PGS1: variants seen among roughly 807,000 people sequenced by gnomAD.
The protein encoded by PGS1 is CDP-diacylglycerol--glycerol-3-phosphate 3-phosphatidyltransferase, mitochondrial.
A neutral mutation model predicts 58.3 loss-of-function variants in PGS1; 44 were observed. The ratio of observed to expected loss-of-function variants is 0.75; its 90% CI spans 0.59 to 0.97. The LOEUF is 0.97. Ranked by LOEUF, PGS1 falls within the 50% of genes least tolerant of loss-of-function variation. PGS1 has a pLI of 0.00. For missense variants in PGS1, 684 were observed against 731.1 expected (o/e 0.94, Z 0.74); for synonymous variants, 330 against 311.0 (o/e 1.06, Z -0.64).
intron 1 of PGS1, among the ~76,000 whole-genome samples, chr17:78,384,090 A>T (rs1418863132): frequency 6.6e-6 from 1 of 152,198 alleles, no homozygotes; most frequent in South Asian, 2.1e-4. Context: ...CCCAGGCTGT[A>T]TTGTGGGTTA....
At chr17:78,402,777 C>T (rs528474697) in intron 6 of PGS1, among the ~76,000 whole-genome samples, 1 of 152,252 alleles carries the variant, frequency 6.6e-6, no homozygotes, top group East Asian at 1.9e-4. Flanking sequence ...TTTTTTGCTT[C>T]CCTATACTGT....
chr17:78,404,902 C>T (rs867237433), intron 7 of PGS1, among the ~76,000 whole-genome samples: 3 of 152,240 alleles, frequency 2.0e-5, no homozygotes, highest in Middle Eastern at 3.4e-3. Context: ...TGAGGTGATC[C>T]ACCTGCCTTG....
intron 1 of PGS1, among the ~76,000 whole-genome samples, chr17:78,386,017 T>C (rs2082359685): frequency 6.6e-6 from 1 of 152,198 alleles, no homozygotes; most frequent in Non-Finnish European, 1.5e-5. Context: ...GGCACCCTGC[T>C]GAGGACCTCT....
chr17:78,391,294 C>T (rs1056417071), intron 1 of PGS1, among the ~76,000 whole-genome samples: 3 of 152,046 alleles, frequency 2.0e-5, no homozygotes, highest in Admixed American at 6.6e-5. Context: ...TCCCGTCTCT[C>T]CCTGCTCCAG....
chr17:78,409,491 C>A (rs573542522), intron 7 of PGS1, among the ~76,000 whole-genome samples: 2 of 152,366 alleles, frequency 1.3e-5, no homozygotes, highest in Admixed American at 1.3e-4. Context: ...GGCAGCCCCA[C>A]CCTGTTTGCC....
intron 8 of PGS1, 118 bp from the exon 9 acceptor site, chr17:78,419,428 A>C: frequency 1.2e-6 from 1 of 842,422 alleles, no homozygotes; most frequent in Non-Finnish European, 2.0e-6. Context: ...TGGGCCAGGT[A>C]GACATGGGAA....
chr17:78,408,524 G>A (rs376820552), intron 7 of PGS1, among the ~76,000 whole-genome samples: 19 of 152,338 alleles, frequency 1.2e-4, no homozygotes, highest in South Asian at 4.1e-4. Context: ...GGTGGGGCGC[G>A]TGGAGGTTGA....
chr17:78,381,779 G>C lies in PGS1; in HGVS notation c.143+2971G>C, dbSNP rs369053404. Among the ~76,000 whole-genome samples, 215 of 152,294 alleles carry C rather than the reference G, an allele frequency of 1.4e-3. 1 individual carries two copies. The highest frequency in any genetic ancestry group is 4.8e-3 in the African/African-American group (199 of 41,544). On this transcript the variant is annotated intron_variant, in intron 1 of 9. Coordinates refer to ENST00000262764, the MANE Select transcript of PGS1 (RefSeq NM_024419.5). ...TTCCTTTCAGGCATAGAGACAGCCA[G>C]AGAGACAGAGAACTCTACTTAAAAT...
intron 1 of PGS1, among the ~76,000 whole-genome samples, chr17:78,383,039 A>G (rs2082146220): frequency 6.6e-6 from 1 of 152,332 alleles, no homozygotes; most frequent in Non-Finnish European, 1.5e-5. Context: ...CTACTATACA[A>G]GGAAATATTT....
rs539757136 is a variant in PGS1 at position 78,378,664 on chromosome 17, C to G, written c.-2C>G. 97 of 1,534,182 alleles carry G rather than the reference C, an allele frequency of 6.3e-5. No homozygotes were observed. In the South Asian group the frequency reaches 1.1e-3, roughly 17 times the overall value. On this transcript the variant is annotated 5_prime_UTR_variant, in exon 1 of 10. Coordinates refer to ENST00000262764, the MANE Select transcript of PGS1 (RefSeq NM_024419.5). ...GAGCGGAAGCGGAAGCGGCGAGTCT[C>G]CATGGCGGTGGCGGCGGCAGCTGCG...
chr17:78,388,599 G>A (rs62075745), intron 1 of PGS1, among the ~76,000 whole-genome samples: 23,172 of 151,756 alleles, frequency 0.15, 2,080 homozygotes, highest in African/African-American at 0.25. Flanking sequence ...TCCTGCCTTA[G>A]ACTCCAGAGT....
In PGS1 at chr17:78,423,542, TG is replaced by T. The variant is rs1333106781; in HGVS notation, c.*11-518del. 6.6e-5 allele frequency among the ~76,000 whole-genome samples: 10 copies of T among 152,296 alleles called. No homozygotes were observed. In the East Asian group the frequency reaches 1.2e-3, roughly 18 times the overall value. On this transcript the variant is annotated intron_variant, in intron 9 of 9. Coordinates refer to ENST00000262764, the MANE Select transcript of PGS1 (RefSeq NM_024419.5). ...AAGCCCTCACCCCACATGCTGCTCC[TG>T]TTAAAAGCAAACTCCACTGACCCCC...
At chr17:78,385,734 T>C (rs1014785569) in intron 1 of PGS1, among the ~76,000 whole-genome samples, 4 of 152,250 alleles carry the variant, frequency 2.6e-5, no homozygotes, top group African/African-American at 9.6e-5. Flanking sequence ...CGGGTTTCTT[T>C]TGTAAACAGG....
At chr17:78,390,511 A>G (rs961769958) in intron 1 of PGS1, among the ~76,000 whole-genome samples, 1 of 152,162 alleles carries the variant, frequency 6.6e-6, no homozygotes, top group Non-Finnish European at 1.5e-5. Context: ...GTGCAGGGAC[A>G]TTTACGAAGC....
intron 7 of PGS1, among the ~76,000 whole-genome samples, chr17:78,410,903 A>ATGGG (rs1426607501): frequency 5.3e-5 from 8 of 152,328 alleles, no homozygotes; most frequent in Admixed American, 2.0e-4. Context: ...GACATTGGGA[A>ATGGG]TGGGTCACTG....
chr17:78,401,132 C>T (rs1485907671), intron 6 of PGS1, among the ~76,000 whole-genome samples: 1 of 152,050 alleles, frequency 6.6e-6, no homozygotes, highest in Non-Finnish European at 1.5e-5. Flanking sequence ...AGGGAAGACG[C>T]AGGTGAGGAG....
At chr17:78,410,462 C>CTTTTTTTTTTTT (rs572547320) in intron 7 of PGS1, among the ~76,000 whole-genome samples, 2 of 73,532 alleles carry the variant, frequency 2.7e-5, no homozygotes, top group African/African-American at 1.1e-4. Context: ...AACTTCAGAG[C>CTTTTTTTTTTTT]TTTTTTTTTT....
chr17:78,396,195 A>T, intron 2 of PGS1, 113 bp from the exon 3 acceptor site: 1 of 765,016 alleles, frequency 1.3e-6, no homozygotes, highest in Non-Finnish European at 2.3e-6. Context: ...ATTGGTGAAG[A>T]CATAGGATAG....
intron 5 of PGS1, 41 bp downstream of exon 5, chr17:78,399,578 TGCAGGCTGGAGG>T (rs1415727150): frequency 1.3e-6 from 2 of 1,585,148 alleles, no homozygotes; most frequent in Non-Finnish European, 1.7e-6. Flanking sequence ...CCTCCTGCTC[TGCAGGCTGGAGG>T]GCAGTGGAAT....
Sources: allele counts gnomAD v4.1 joint callset (sites outside exome capture counted in the v4.1 genomes callset), GRCh38; gene constraint gnomAD v4.1.1; transcripts MANE v1.5; gene names NCBI Gene and HGNC (gene_info 2026-07-23, HGNC 2026-07-21).